The following TULP4 variants were observed in gnomAD, a reference collection of about 807,000 sequenced individuals.
The protein encoded by TULP4 is TUB like protein 4, also known as tubby-related protein 4.
TULP4 carries 16 observed loss-of-function variants against 129.0 expected under a neutral mutation model. The ratio of observed to expected loss-of-function variants is 0.12; its 90% confidence interval spans 0.08 to 0.19. The LOEUF is 0.19. Among genes scored for constraint, TULP4 ranks in the 10% least tolerant of loss-of-function variants. The probability of loss-of-function intolerance (pLI) is 1.00; values close to 1 mark genes in which losing one functional copy is unlikely to be tolerated. For missense variants in TULP4, 1,842 were observed against 2,059.1 expected, an observed-to-expected ratio of 0.89 and a Z score of 2.04; for synonymous variants, 998 against 854.0, an observed-to-expected ratio of 1.17 and a Z score of -2.94.
intron 1 of TULP4, among the ~76,000 whole-genome samples, chr6:158,388,442 G>C (rs1286047058): frequency 2.2e-5 from 3 of 138,264 alleles, no homozygotes; most frequent in Non-Finnish European, 4.5e-5. Flanking sequence ...CCATTCTCCT[G>C]CCTCAGCTTC....
At chr6:158,244,582 G>A (rs1024837284) in intron 1 of TULP4, among the ~76,000 whole-genome samples, 2 of 152,134 alleles carry the variant, frequency 1.3e-5, no homozygotes, top group Admixed American at 6.6e-5. Context: ...TTCTCCCCAT[G>A]TGAGCACACA....
intron 4 of TULP4, among the ~76,000 whole-genome samples, chr6:158,451,865 C>T (rs1779167303): frequency 6.6e-6 from 1 of 152,232 alleles, no homozygotes; most frequent in Non-Finnish European, 1.5e-5. Context: ...AGTAAACTTT[C>T]ACACATATTC....
chr6:158,492,334 G>A lies in TULP4; in HGVS notation c.1632-1239G>A, dbSNP rs1360233051. Reference sequence around the variant, plus strand: ...CTCTTCCAGCAGCTTTCTAGTTTTAGCTTTCATGCTTATGGATTAATTTTT... The same window carrying A: ...CTCTTCCAGCAGCTTTCTAGTTTTAACTTTCATGCTTATGGATTAATTTTT... On this transcript the variant is annotated intron_variant, in intron 9 of 13. Coordinates refer to ENST00000367097, the MANE Select transcript of TULP4 (RefSeq NM_020245.5). Among the ~76,000 whole-genome samples, 7 of 152,242 alleles carry A rather than the reference G, an allele frequency of 4.6e-5. No individual in the cohort carries two copies. In the East Asian group the frequency reaches 5.8e-4, roughly 13 times the overall value.
In TULP4 at chr6:158,461,585, A is replaced by C. The variant is rs747601554; in HGVS notation, c.882A>C (p.Thr294=). The C allele has an allele frequency of 1.9e-6, 3 of 1,613,714 alleles. No homozygotes were observed. The highest frequency in any genetic ancestry group is 2.2e-5 in the South Asian group (2 of 91,036). Residue 294 remains threonine (T), a synonymous_variant, in exon 6 of 14, where the codon ACA becomes ACC. Coordinates refer to ENST00000367097, the MANE Select transcript of TULP4 (RefSeq NM_020245.5). ...GLKEVVAQWC[T]QGDLLAVAGM... ...CAGAGGTGGTAGCCCAGTGGTGCAC[A>C]CAGGGGGACTTGCTGGCAGTCGCTG... is the stretch of plus-strand genomic sequence containing the variant.
At chr6:158,367,905 C>T (rs1396532944) in intron 1 of TULP4, among the ~76,000 whole-genome samples, 1 of 139,312 alleles carries the variant, frequency 7.2e-6, no homozygotes, top group Non-Finnish European at 1.5e-5. Flanking sequence ...TGGTGAAACC[C>T]TGTCTCTACA....
chr6:158,490,575 G>A (rs926017608), intron 9 of TULP4, among the ~76,000 whole-genome samples: 3 of 151,886 alleles, frequency 2.0e-5, no homozygotes, highest in South Asian at 2.1e-4. Context: ...TGTCCAAATC[G>A]TAAACACCTA....
At chr6:158,448,610 A>T (rs976297658) in intron 3 of TULP4, among the ~76,000 whole-genome samples, 2 of 152,216 alleles carry the variant, frequency 1.3e-5, no homozygotes, top group Admixed American at 6.5e-5. Flanking sequence ...TTGAGAAAAT[A>T]ATAACAACAA....
chr6:158,465,218 G>T (rs915931573), intron 6 of TULP4, among the ~76,000 whole-genome samples: 3 of 152,168 alleles, frequency 2.0e-5, no homozygotes, highest in Admixed American at 6.5e-5. Flanking sequence ...CATTCCGTAG[G>T]TTGGGTGGCT....
At chr6:158,343,392 A>G (rs546470220) in intron 1 of TULP4, among the ~76,000 whole-genome samples, 1 of 152,312 alleles carries the variant, frequency 6.6e-6, no homozygotes, top group East Asian at 1.9e-4. Flanking sequence ...AGGGAAGGGA[A>G]TGGTGAGTGT....
intron 3 of TULP4, among the ~76,000 whole-genome samples, chr6:158,448,319 C>T (rs1779097982): frequency 6.6e-6 from 1 of 152,178 alleles, no homozygotes; most frequent in African/African-American, 2.4e-5. Context: ...AAACTAGCGC[C>T]TAACTCATGG....
chr6:158,362,408 G>A (rs1049520701), intron 1 of TULP4, among the ~76,000 whole-genome samples: 2 of 152,012 alleles, frequency 1.3e-5, no homozygotes, highest in East Asian at 1.9e-4. Flanking sequence ...GGAGTGCAGT[G>A]ATGCAGTCAT....
intron 8 of TULP4, among the ~76,000 whole-genome samples, chr6:158,481,996 C>G (rs1294906443): frequency 6.6e-6 from 1 of 152,202 alleles, no homozygotes; most frequent in Non-Finnish European, 1.5e-5. Flanking sequence ...CTGCCACCTC[C>G]CTCTGAAACT....
At chr6:158,240,002 C>T (rs1777835505) in intron 1 of TULP4, among the ~76,000 whole-genome samples, 1 of 120,014 alleles carries the variant, frequency 8.3e-6, no homozygotes, top group Non-Finnish European at 1.9e-5. Flanking sequence ...GCTGACCCCC[C>T]CACCTCCCTC....
intron 1 of TULP4, among the ~76,000 whole-genome samples, chr6:158,306,630 T>TG (rs1271177276): frequency 5.3e-5 from 8 of 152,250 alleles, no homozygotes; most frequent in Non-Finnish European, 8.8e-5. Context: ...TTTTTGAACT[T>TG]TATTGTTTCA....
At chr6:158,444,106 G>A (rs535740685) in intron 3 of TULP4, among the ~76,000 whole-genome samples, 92 of 151,646 alleles carry the variant, frequency 6.1e-4, no homozygotes, top group African/African-American at 2.1e-3. Flanking sequence ...TGTAGTCCCA[G>A]CTACTCGGGA....
At chr6:158,274,838 A>C (rs1404772179) in intron 1 of TULP4, among the ~76,000 whole-genome samples, 1 of 152,208 alleles carries the variant, frequency 6.6e-6, no homozygotes, top group Non-Finnish European at 1.5e-5. Context: ...CGAATAAAAT[A>C]TAAGCCCCTT....
intron 1 of TULP4, chr6:158,238,250 T>C: frequency 8.9e-7 from 1 of 1,119,556 alleles, no homozygotes; most frequent in Non-Finnish European, 1.4e-6. Context: ...TGAAAATTCC[T>C]GAAGCAGCTC....
At chr6:158,377,203 G>A (rs528084220) in intron 1 of TULP4, among the ~76,000 whole-genome samples, 1 of 152,338 alleles carries the variant, frequency 6.6e-6, no homozygotes, top group East Asian at 1.9e-4. Flanking sequence ...CTGCCACGTG[G>A]CCAGCACTGT....
chr6:158,239,062 C>CCA (rs1777790131), intron 1 of TULP4, among the ~76,000 whole-genome samples: 1 of 127,394 alleles, frequency 7.8e-6, no homozygotes, highest in Non-Finnish European at 1.8e-5. Flanking sequence ...GGGGGCTGAC[C>CCA]CCCCCACCTC....
Sources: gnomAD v4.1 joint callset for allele counts (sites outside exome capture counted in the v4.1 genomes callset) on GRCh38, gnomAD v4.1.1 for gene constraint, MANE v1.5 for transcripts, NCBI Gene and HGNC (gene_info 2026-07-23, HGNC 2026-07-21) for gene names.